AK5: variants seen among roughly 807,000 people sequenced by gnomAD.
The protein encoded by AK5 is adenylate kinase 5, also known as adenylate kinase isoenzyme 5.
In AK5, 27 loss-of-function variants were observed where a neutral mutation model predicts 69.5. That is an observed-to-expected ratio of 0.39 (90% CI 0.29 to 0.54). The LOEUF (loss-of-function observed/expected upper bound fraction) is 0.54, where lower values mean the gene tolerates loss of function less well. Among genes scored for constraint, AK5 ranks in the 20% least tolerant of loss-of-function variants. The pLI, the probability that AK5 is intolerant of heterozygous loss-of-function variation, is 0.71. For missense variants in AK5, 531 were observed against 700.4 expected (o/e 0.76, Z 2.73); for synonymous variants, 260 against 244.4 (o/e 1.06, Z -0.60).
At chr1:77,443,373 G>C (rs963447034) in intron 8 of AK5, among the ~76,000 whole-genome samples, 14 of 152,094 alleles carry the variant, frequency 9.2e-5, no homozygotes, top group African/African-American at 3.4e-4. Flanking sequence ...AACCCAGATA[G>C]ACATGGATCA....
At chr1:77,308,134 C>T (rs768700149) in intron 5 of AK5, among the ~76,000 whole-genome samples, 2 of 152,134 alleles carry the variant, frequency 1.3e-5, no homozygotes, top group Non-Finnish European at 2.9e-5. Flanking sequence ...TGGGTCTCTA[C>T]AGAGCTGTTA....
At chr1:77,492,448 G>A (rs1656057192) in intron 10 of AK5, among the ~76,000 whole-genome samples, 1 of 152,092 alleles carries the variant, frequency 6.6e-6, no homozygotes, top group African/African-American at 2.4e-5. Flanking sequence ...TGAATATAGG[G>A]GACCTCTAAT....
At chr1:77,399,186 A>G (rs1649029537) in intron 6 of AK5, among the ~76,000 whole-genome samples, 1 of 152,170 alleles carries the variant, frequency 6.6e-6, no homozygotes, top group African/African-American at 2.4e-5. Flanking sequence ...TGGGCACTTG[A>G]TATCTGCTCA....
At chr1:77,555,841 C>T (rs142663386) in intron 13 of AK5, among the ~76,000 whole-genome samples, 138 of 152,322 alleles carry the variant, frequency 9.1e-4, no homozygotes, top group African/African-American at 3.2e-3. Context: ...CATTGTTTCT[C>T]GTTCAACTTG....
intron 10 of AK5, among the ~76,000 whole-genome samples, chr1:77,499,300 T>G (rs1656553174): frequency 2.0e-5 from 3 of 152,202 alleles, no homozygotes; most frequent in South Asian, 4.1e-4. Flanking sequence ...TTTCCTCTTG[T>G]AACAGAGTGT....
chr1:77,370,583 G>A (rs1484035177), intron 6 of AK5, among the ~76,000 whole-genome samples: 1 of 152,116 alleles, frequency 6.6e-6, no homozygotes, highest in Non-Finnish European at 1.5e-5. Context: ...TTTAGAGATG[G>A]ATCAGGATTC....
intron 6 of AK5, among the ~76,000 whole-genome samples, chr1:77,364,884 C>G (rs1308618632): frequency 6.6e-6 from 1 of 152,068 alleles, no homozygotes; most frequent in East Asian, 1.9e-4. Context: ...GGATAAATGC[C>G]CAGTAGTGGG....
At chr1:77,470,017 C>T (rs910229933) in intron 8 of AK5, among the ~76,000 whole-genome samples, 4 of 152,188 alleles carry the variant, frequency 2.6e-5, no homozygotes, top group Admixed American at 1.3e-4. Flanking sequence ...GGACAAACAT[C>T]GGAATGTTTT....
At chr1:77,508,037 G>A (rs1470781005) in intron 10 of AK5, among the ~76,000 whole-genome samples, 4 of 152,072 alleles carry the variant, frequency 2.6e-5, no homozygotes, top group Non-Finnish European at 4.4e-5. Flanking sequence ...CCAACGTAAC[G>A]CTCAAAGGAA....
intron 8 of AK5, among the ~76,000 whole-genome samples, chr1:77,467,623 G>A (rs959111464): frequency 3.3e-5 from 5 of 151,932 alleles, no homozygotes; most frequent in East Asian, 1.9e-4. Flanking sequence ...AATCTTCTTC[G>A]TATTTACTCC....
intron 8 of AK5, among the ~76,000 whole-genome samples, chr1:77,449,920 C>A (rs1653034806): frequency 6.6e-6 from 1 of 152,154 alleles, no homozygotes. Flanking sequence ...ATTTTCCACA[C>A]TTTTATGCTG....
intron 5 of AK5, among the ~76,000 whole-genome samples, chr1:77,331,958 G>A (rs1258053961): frequency 6.6e-6 from 1 of 152,002 alleles, no homozygotes; most frequent in Admixed American, 6.5e-5. Flanking sequence ...TTCTTTTTGA[G>A]ACAGGGTCTC....
intron 7 of AK5, among the ~76,000 whole-genome samples, 185 bp from the exon 8 acceptor site, chr1:77,417,454 A>G (rs1057493475): frequency 2.6e-5 from 4 of 152,196 alleles, no homozygotes; most frequent in African/African-American, 7.2e-5. Flanking sequence ...GGATGCAGAC[A>G]GTGTCCAGAG....
chr1:77,378,824 T>C (rs1647421286), intron 6 of AK5, among the ~76,000 whole-genome samples: 3 of 152,180 alleles, frequency 2.0e-5, no homozygotes, highest in Admixed American at 6.5e-5. Flanking sequence ...GCTTACAATC[T>C]CTAGGCTGAG....
At chr1:77,414,323 GT>G (rs1287061614) in intron 7 of AK5, among the ~76,000 whole-genome samples, 1 of 152,212 alleles carries the variant, frequency 6.6e-6, no homozygotes, top group Non-Finnish European at 1.5e-5. Context: ...AGAGGGTGCA[GT>G]TTAAGGGTTG....
At position 77,478,365 on chromosome 1, in the gene AK5, G is replaced by A. The variant is rs566415819; in HGVS notation, c.1060-4952G>A. Among the ~76,000 whole-genome samples, 74 of 152,276 alleles carry A rather than the reference G, an allele frequency of 4.9e-4. No individual in the cohort carries two copies. In the South Asian group the frequency reaches 0.014, roughly 29 times the overall value. Reference sequence around the variant, plus strand: ...GGTGGGAAATGATTGAATCATGGGGGCGGGTCTTTCCTATGCTGTTCTCAT... The same window carrying A: ...GGTGGGAAATGATTGAATCATGGGGACGGGTCTTTCCTATGCTGTTCTCAT... On this transcript the variant is annotated intron_variant, in intron 8 of 13. Coordinates refer to ENST00000354567, the MANE Select transcript of AK5 (RefSeq NM_174858.3).
intron 5 of AK5, among the ~76,000 whole-genome samples, chr1:77,337,306 A>T (rs1661412674): frequency 1.3e-5 from 2 of 152,236 alleles, no homozygotes; most frequent in Admixed American, 1.3e-4. Context: ...AAAGAGAAGC[A>T]CTTACATTAA....
intron 8 of AK5, among the ~76,000 whole-genome samples, chr1:77,475,839 T>C (rs1532508): frequency 0.45 from 67,546 of 151,754 alleles, 15,372 homozygotes; most frequent in Middle Eastern, 0.6. Flanking sequence ...GACAAAGCTC[T>C]TCTTAACAAT....
chr1:77,535,036 G>A (rs1413442171), intron 12 of AK5, among the ~76,000 whole-genome samples: 6 of 152,042 alleles, frequency 3.9e-5, no homozygotes, highest in African/African-American at 9.7e-5. Flanking sequence ...GGGCATCTCC[G>A]TCCACATGGC....
Sources: gnomAD v4.1 joint callset for allele counts (sites outside exome capture counted in the v4.1 genomes callset) on GRCh38, gnomAD v4.1.1 for gene constraint, MANE v1.5 for transcripts, NCBI Gene and HGNC (gene_info 2026-07-23, HGNC 2026-07-21) for gene names.